The following SEPTIN9 variants were observed in gnomAD, a reference collection of about 807,000 sequenced individuals.
The protein encoded by SEPTIN9 is septin-9.
A neutral mutation model predicts 56.6 loss-of-function variants in SEPTIN9; 13 were observed. That is an observed-to-expected ratio of 0.23 (90% CI 0.15 to 0.37). The LOEUF (loss-of-function observed/expected upper bound fraction) is 0.37. Among genes scored for constraint, SEPTIN9 ranks in the 10% least tolerant of loss-of-function variants. The pLI is 1.00. For synonymous variants in SEPTIN9, 332 were observed against 334.1 expected (o/e 0.99, Z 0.07); for missense variants, 650 against 823.1 (o/e 0.79, Z 2.57).
chr17:77,351,965 G>T (rs558992639), intron 2 of SEPTIN9, among the ~76,000 whole-genome samples: 1 of 152,234 alleles, frequency 6.6e-6, no homozygotes, highest in Non-Finnish European at 1.5e-5. Flanking sequence ...GAGCCGGGGT[G>T]AGCATCTGGG....
chr17:77,482,571 CTT>C (rs989545072), intron 4 of SEPTIN9: 3 of 690,060 alleles, frequency 4.3e-6, no homozygotes, highest in East Asian at 2.7e-5. Context: ...CCTGAGATGA[CTT>C]TGGGGAGCCC....
chr17:77,344,359 C>G (rs895780545), intron 2 of SEPTIN9, among the ~76,000 whole-genome samples: 5 of 152,176 alleles, frequency 3.3e-5, no homozygotes, highest in Non-Finnish European at 7.3e-5. Flanking sequence ...TGGATAACAG[C>G]AAGTGTTGGC....
chr17:77,320,328 T>C lies in SEPTIN9; in HGVS notation c.76+13131T>C. 6.2e-7 allele frequency: 1 copy of C among 1,613,104 alleles called. No individual in the cohort carries two copies. ...CCGCTGCTAAATATATCCGTAGGAA[T>C]GGAGAGGGACCGGATCTCAGGTACG... On this transcript the variant is annotated intron_variant, in intron 2 of 11. Transcript: ENST00000427177.
At chr17:77,417,640 G>A (rs1276130511) in intron 3 of SEPTIN9, among the ~76,000 whole-genome samples, 2 of 152,198 alleles carry the variant, frequency 1.3e-5, no homozygotes, top group African/African-American at 4.8e-5. Context: ...AGTTCCTGAG[G>A]ACTTTATACC....
intron 2 of SEPTIN9, among the ~76,000 whole-genome samples, chr17:77,356,465 T>C (rs2034242492): frequency 6.6e-6 from 1 of 151,436 alleles, no homozygotes; most frequent in Admixed American, 6.6e-5. Flanking sequence ...TCTCACTCTG[T>C]GCCTCCGCTT....
intron 3 of SEPTIN9, among the ~76,000 whole-genome samples, chr17:77,457,037 T>G (rs1337030046): frequency 6.6e-6 from 1 of 152,214 alleles, no homozygotes; most frequent in African/African-American, 2.4e-5. Context: ...CTCAGACTCC[T>G]CTACTTGTCT....
chr17:77,381,988 C>T (rs2035161154), intron 2 of SEPTIN9, among the ~76,000 whole-genome samples: 1 of 152,104 alleles, frequency 6.6e-6, no homozygotes, highest in South Asian at 2.1e-4. Flanking sequence ...TGATGCTGGC[C>T]AGCTTCTCTT....
chr17:77,340,389 C>T (rs2033690185), intron 2 of SEPTIN9, among the ~76,000 whole-genome samples: 1 of 152,204 alleles, frequency 6.6e-6, no homozygotes, highest in South Asian at 2.1e-4. Flanking sequence ...GATCCCCCCG[C>T]CCCAGCCTTC....
chr17:77,348,590 G>GAGCCCGGCCTGTTTTGACTT (rs1186038271), intron 2 of SEPTIN9, among the ~76,000 whole-genome samples: 1 of 152,138 alleles, frequency 6.6e-6, no homozygotes, highest in Admixed American at 6.5e-5. Context: ...GTGAGCCACT[G>GAGCCCGGCCTGTTTTGACTT]AGCCCGGCCT....
In SEPTIN9 at chr17:77,453,647, C is replaced by G. The variant is rs2144426835; in HGVS notation, c.722-28497C>G. ...AGCCTTATCTGGGCCTGGGATCTGT[C>G]CTCCGAACACTGGGTCCACTGTGCT... On this transcript the variant is annotated intron_variant, in intron 3 of 11. Transcript: ENST00000427177. This position sits in a 1 kb window ranked among gnomAD's most constrained non-coding sequence, Gnocchi z 4.4. 6.6e-6 allele frequency among the ~76,000 whole-genome samples: 1 copy of G among 152,060 alleles called. No homozygotes were observed. Among genetic ancestry groups the G allele is most frequent in the African/African-American group, 2.4e-5 (1 of 41,442 alleles).
At chr17:77,311,464 C>T (rs1015558083) in intron 2 of SEPTIN9, among the ~76,000 whole-genome samples, 10 of 152,120 alleles carry the variant, frequency 6.6e-5, no homozygotes, top group African/African-American at 1.7e-4. Flanking sequence ...TCACAGGGGA[C>T]GCCTGCACAA....
intron 2 of SEPTIN9, among the ~76,000 whole-genome samples, chr17:77,331,281 CT>C (rs1296072518): frequency 6.6e-6 from 1 of 152,214 alleles, no homozygotes; most frequent in Non-Finnish European, 1.5e-5. Flanking sequence ...CTTCAGTGTC[CT>C]GGGCCTATGT....
intron 1 of SEPTIN9, among the ~76,000 whole-genome samples, chr17:77,296,454 GAGAC>G (rs974744304): frequency 1.3e-5 from 2 of 152,108 alleles, no homozygotes; most frequent in African/African-American, 4.8e-5. Flanking sequence ...CAGAGAGATA[GAGAC>G]AGACAGACAC....
At chr17:77,410,519 G>A (rs892631642) in intron 3 of SEPTIN9, among the ~76,000 whole-genome samples, 8 of 152,180 alleles carry the variant, frequency 5.3e-5, no homozygotes, top group African/African-American at 9.7e-5. Flanking sequence ...TTGCCCACTC[G>A]TGTGTGGGGA....
Position 77,450,164 on chromosome 17 carries a change from T to C in SEPTIN9, c.722-31980T>C, listed in dbSNP as rs773493795. On this transcript the variant is annotated intron_variant, in intron 3 of 11. Coordinates refer to ENST00000427177, the MANE Select transcript of SEPTIN9 (RefSeq NM_001113491.2). This position sits in a 1 kb window ranked among gnomAD's most constrained non-coding sequence, Gnocchi z 6.0. ...GAGGCCTTAGGGGGAAAGTTGGCCATGAGGAGTGGGAAGCGACGGGTCAGA... is the reference window on the plus strand; with the variant it reads ...GAGGCCTTAGGGGGAAAGTTGGCCACGAGGAGTGGGAAGCGACGGGTCAGA... Among the ~76,000 whole-genome samples the C allele has an allele frequency of 3.9e-5, 6 of 151,930 alleles. No homozygotes were observed.
chr17:77,313,906 A>G lies in SEPTIN9; in HGVS notation c.76+6709A>G, dbSNP rs2032601487. On this transcript the variant is annotated intron_variant, in intron 2 of 11. Transcript: ENST00000427177. This position sits in a 1 kb window ranked among gnomAD's most constrained non-coding sequence, Gnocchi z 4.5. Reference sequence around the variant, plus strand: ...CCACCATGACTGGCTAATTCTTAAAAGAAATGTTTTCAGGCTAGGCATGGT... The same window carrying G: ...CCACCATGACTGGCTAATTCTTAAAGGAAATGTTTTCAGGCTAGGCATGGT... Among the ~76,000 whole-genome samples the G allele has an allele frequency of 6.6e-6, 1 of 151,910 alleles. No homozygotes were observed. The highest frequency in any genetic ancestry group is 2.4e-5 in the African/African-American group (1 of 41,370).
rs1260660504 is a variant in SEPTIN9, at chr17:77,456,092, T to C, written c.722-26052T>C. 6.6e-6 allele frequency among the ~76,000 whole-genome samples: 1 copy of C among 150,752 alleles called. No individual in the cohort carries two copies. The highest frequency in any genetic ancestry group is 1.5e-5 in the Non-Finnish European group (1 of 67,708). ...TGTGTGCTGGGGCCGGAGGAAACAC[T>C]GCCCGTGGCCGGTGTCATCTGCCAG... is the stretch of plus-strand genomic sequence containing the variant. On this transcript the variant is annotated intron_variant, in intron 3 of 11. Transcript: ENST00000427177. The surrounding 1 kb of genome is among the most constrained non-coding windows in gnomAD (Gnocchi z 6.0).
At chr17:77,321,790 G>T (rs1567992593) in intron 2 of SEPTIN9, among the ~76,000 whole-genome samples, 1 of 152,238 alleles carries the variant, frequency 6.6e-6, no homozygotes, top group Non-Finnish European at 1.5e-5. Context: ...TCAGGAGGGG[G>T]CCAGGGGAGA....
intron 2 of SEPTIN9, among the ~76,000 whole-genome samples, chr17:77,362,474 C>T (rs532651854): frequency 1.3e-5 from 2 of 152,358 alleles, no homozygotes; most frequent in Non-Finnish European, 2.9e-5. Context: ...CCTCCTCTGA[C>T]TGGGTGCTCC....
Sources: gnomAD v4.1 joint callset for allele counts (sites outside exome capture counted in the v4.1 genomes callset) on GRCh38, gnomAD v4.1.1 for gene constraint, Gnocchi (gnomAD v3.1) non-coding constraint, MANE v1.5 for transcripts, NCBI Gene and HGNC (gene_info 2026-07-23, HGNC 2026-07-21) for gene names.